The following IRS2 variants were observed in gnomAD, a reference collection of about 807,000 sequenced individuals.
IRS2 encodes insulin receptor substrate 2.
In IRS2, 28 loss-of-function variants were observed where a neutral mutation model predicts 70.9. That is an observed-to-expected ratio of 0.39 (90% CI 0.29 to 0.54). IRS2 has a LOEUF of 0.54. IRS2 is among the 20% of genes least tolerant of loss of function. The pLI is 0.59. For synonymous variants in IRS2, 1,217 were observed against 981.9 expected (o/e 1.24, Z -4.48); for missense variants, 2,081 against 2,024.1 (o/e 1.03, Z -0.54).
Position 109,755,489 on chromosome 13 carries a change from T to C in IRS2, c.*815A>G, listed in dbSNP as rs1253993563. ...ACATCGAGAAGATTAAACAAGTCTG[T>C]TAAAGGTAAAAAGAGATATTCATCC... On this transcript the variant is annotated 3_prime_UTR_variant, in exon 2 of 2. Transcript: ENST00000375856. 1 of 214,766 alleles carries C rather than the reference T, an allele frequency of 4.7e-6. No homozygotes were observed. Among genetic ancestry groups the C allele is most frequent in the Non-Finnish European group, 9.4e-6 (1 of 106,340 alleles). 13.3% of individuals were successfully genotyped at this position (214,766 alleles called of 1,614,324 possible). A position where few individuals can be genotyped will look rare whatever the true frequency, so the allele number is the denominator to read the frequency against.
rs369041453 is a variant in IRS2 at position 109,782,378 on chromosome 13, C to T, written c.3676G>A (p.Gly1226Arg). The change falls in exon 1 of 2, where the codon GGG becomes AGG. Residue 1226 changes from glycine (G) to arginine (R), a missense_variant. Gly to Arg is a moderately radical substitution (Grantham distance 125, BLOSUM62 -2). This residue lies in a region of IRS2 where 1,615 missense variants were observed against 1,459.5 expected (regional missense o/e 1.11). Coordinates refer to ENST00000375856, the MANE Select transcript of IRS2 (RefSeq NM_003749.3). ...CTCCCAGGACAACCGACCAAGCCCC[C>T]GGGCTGACCCGGGGTCCACGGCCGG... ...QGRPWTPGQP[G>R]GLVGCPGSGG... The T allele has an allele frequency of 5.1e-5, 82 of 1,610,424 alleles. No individual in the cohort carries two copies. The highest frequency in any genetic ancestry group is 4.1e-4 in the African/African-American group (31 of 74,874).
intron 1 of IRS2, among the ~76,000 whole-genome samples, chr13:109,779,295 T>C (rs541618495): frequency 6.6e-6 from 1 of 152,258 alleles, no homozygotes; most frequent in Admixed American, 6.5e-5. Flanking sequence ...CAGGAAGAGC[T>C]CAGGGTGGAA....
At chr13:109,770,693 G>A (rs901228174) in intron 1 of IRS2, among the ~76,000 whole-genome samples, 1 of 152,156 alleles carries the variant, frequency 6.6e-6, no homozygotes, top group African/African-American at 2.4e-5. Context: ...CCAGAAAATG[G>A]TGCCCGGTGG....
At position 109,755,316 on chromosome 13, in the gene IRS2, C is replaced by T. The variant is rs917652182; in HGVS notation, c.*988G>A. 2.6e-4 allele frequency: 59 copies of T among 225,958 alleles called. No homozygotes were observed. Among genetic ancestry groups the T allele is most frequent in the African/African-American group, 1.2e-3 (53 of 44,590 alleles). The allele number at this position is 225,958 out of a possible 1,614,324, so 14.0% of individuals were successfully genotyped here. A position where few individuals can be genotyped will look rare whatever the true frequency, so the allele number is the denominator to read the frequency against. ...TACGTTTTTTAAAAATCAAATCTGC[C>T]AAACCCGGACCACCCTGGAATTGCT... On this transcript the variant is annotated 3_prime_UTR_variant, in exon 2 of 2. Transcript: ENST00000375856.
rs2138935530 is a variant in IRS2 at position 109,784,340 on chromosome 13, G to A, written c.1714C>T (p.Arg572Cys). The change falls in exon 1 of 2, where the codon CGC (arginine) becomes TGC (cysteine). Residue 572 changes from arginine to cysteine, a missense_variant. Physicochemically the swap from Arg to Cys is radical, Grantham distance 180. Around this residue, in one of 4 missense-constraint regions of IRS2, gnomAD observed 1,615 missense variants for 1,459.5 expected, o/e 1.11. Coordinates refer to ENST00000375856, the MANE Select transcript of IRS2 (RefSeq NM_003749.3). This position sits in a 1 kb window ranked among gnomAD's most constrained non-coding sequence, Gnocchi z 5.2. ...DAAQDLDRGL[R>C]KRTYSLTTPA... ...GTGGTCAGGGAGTAGGTCCTCTTGC[G>A]CAGCCCTCGGTCCAGGTCCTGGGCC... 3.7e-6 allele frequency: 6 copies of A among 1,608,410 alleles called. No homozygotes were observed. The highest frequency in any genetic ancestry group is 4.2e-6 in the Non-Finnish European group (5 of 1,179,252).
In IRS2 at chr13:109,785,211, C is replaced by T; in HGVS notation, c.843G>A (p.Gln281=). The change falls in exon 1 of 2, where the codon CAG becomes CAA. Residue 281 remains glutamine (Q), a synonymous_variant. Transcript: ENST00000375856. The surrounding 1 kb of genome is among the most constrained non-coding windows in gnomAD (Gnocchi z 9.3). ...CCTCCAGGATGGTCTCGTGGATGTT[C>T]TGCGCCACCACCGAGTCGTCCGCCT... ...WMQADDSVVA[Q]NIHETILEAM... 1 of 1,603,726 alleles carries T rather than the reference C, an allele frequency of 6.2e-7. No individual in the cohort carries two copies. The highest frequency in any genetic ancestry group is 8.5e-7 in the Non-Finnish European group (1 of 1,176,050).
At chr13:109,764,356 T>A (rs1877289866) in intron 1 of IRS2, among the ~76,000 whole-genome samples, 1 of 152,202 alleles carries the variant, frequency 6.6e-6, no homozygotes, top group Non-Finnish European at 1.5e-5. Context: ...TCTACAGCTA[T>A]GTCTCTAAGT....
intron 1 of IRS2, among the ~76,000 whole-genome samples, chr13:109,773,858 G>A (rs796469728): frequency 5.6e-4 from 86 of 152,314 alleles, no homozygotes; most frequent in African/African-American, 1.9e-3. Flanking sequence ...GCTGTATCCT[G>A]GGAGAAAGTT....
At chr13:109,779,809 T>C (rs1362356103) in intron 1 of IRS2, among the ~76,000 whole-genome samples, 1 of 152,202 alleles carries the variant, frequency 6.6e-6, no homozygotes, top group East Asian at 1.9e-4. Context: ...GTTCAGCAGC[T>C]ACAGAACACA....
chr13:109,774,936 A>G (rs919731985), intron 1 of IRS2, among the ~76,000 whole-genome samples: 3 of 152,166 alleles, frequency 2.0e-5, no homozygotes, highest in Admixed American at 2.0e-4. Flanking sequence ...TTCAACTTCA[A>G]TAAGATTCTT....
chr13:109,758,273 G>A (rs1350167366), intron 1 of IRS2, among the ~76,000 whole-genome samples: 1 of 55,662 alleles, frequency 1.8e-5, no homozygotes, highest in Non-Finnish European at 5.4e-5. Context: ...AGAATCCCAT[G>A]GCCACCACAA....
intron 1 of IRS2, among the ~76,000 whole-genome samples, chr13:109,767,080 G>T (rs1219734406): frequency 2.4e-4 from 36 of 152,214 alleles, no homozygotes; most frequent in Admixed American, 2.4e-3. Context: ...TCAGGGACAT[G>T]GAGGGAGGTT....
Position 109,785,184 on chromosome 13 carries a change from G to C in IRS2, c.870C>G (p.Ala290=), listed in dbSNP as rs1393388292. Residue 290 remains alanine (A), a synonymous_variant, in exon 1 of 2, where the codon GCC becomes GCG. Coordinates refer to ENST00000375856, the MANE Select transcript of IRS2 (RefSeq NM_003749.3). The surrounding 1 kb of genome is among the most constrained non-coding windows in gnomAD (Gnocchi z 9.3). ...AQNIHETILE[A]MKALKELFEF... Reference sequence around the variant, plus strand: ...CGAAGAGCTCCTTGAGCGCCTTCATGGCCTCCAGGATGGTCTCGTGGATGT... The same window carrying C: ...CGAAGAGCTCCTTGAGCGCCTTCATCGCCTCCAGGATGGTCTCGTGGATGT... The C allele has an allele frequency of 3.7e-6, 6 of 1,602,528 alleles. No individual in the cohort carries two copies. Among genetic ancestry groups the C allele is most frequent in the Non-Finnish European group, 5.1e-6 (6 of 1,175,390 alleles).
chr13:109,758,147 G>C (rs528606867), intron 1 of IRS2, among the ~76,000 whole-genome samples: 1 of 152,226 alleles, frequency 6.6e-6, no homozygotes, highest in Admixed American at 6.5e-5. Context: ...ACTTCAGTGA[G>C]AATCTAATTG....
At chr13:109,768,798 T>C (rs1321751645) in intron 1 of IRS2, among the ~76,000 whole-genome samples, 1 of 152,058 alleles carries the variant, frequency 6.6e-6, no homozygotes, top group Non-Finnish European at 1.5e-5. Context: ...ACATCCTCTC[T>C]CTACAGACTG....
At chr13:109,759,815 CT>C (rs1305207312) in intron 1 of IRS2, among the ~76,000 whole-genome samples, 1 of 152,114 alleles carries the variant, frequency 6.6e-6, no homozygotes, top group Non-Finnish European at 1.5e-5. Flanking sequence ...GCTGGTGCCC[CT>C]GGTTGAAACC....
rs767951154 is a variant in IRS2, at chr13:109,783,488, C to T, written c.2566G>A (p.Ala856Thr). The T allele has an allele frequency of 1.9e-5, 30 of 1,544,140 alleles. No homozygotes were observed. Among genetic ancestry groups the T allele is most frequent in the South Asian group, 1.1e-4 (9 of 83,910 alleles). ...GGGTGAGGGGGCTGCGTGGGGCCGGCCCCGAAGGCGCTGGCCGCCTGGCTG... is the reference window on the plus strand; with the variant it reads ...GGGTGAGGGGGCTGCGTGGGGCCGGTCCCGAAGGCGCTGGCCGCCTGGCTG... The part of the protein sequence containing the change: ...GPSQAASAFG[A>T]GPTQPPHPVV... Residue 856 changes from alanine (A) to threonine (T), a missense_variant, in exon 1 of 2, where the codon GCC becomes ACC. Transcript: ENST00000375856.
intron 1 of IRS2, among the ~76,000 whole-genome samples, chr13:109,774,258 C>T (rs1016706118): frequency 6.6e-6 from 1 of 152,084 alleles, no homozygotes; most frequent in East Asian, 1.9e-4. Context: ...ATCTAGAGGT[C>T]CAGGAAGCAT....
chr13:109,767,814 C>A (rs941602768), intron 1 of IRS2, among the ~76,000 whole-genome samples: 21 of 149,610 alleles, frequency 1.4e-4, no homozygotes, highest in Non-Finnish European at 3.0e-4. Flanking sequence ...CTCGCTGCAA[C>A]CTCCGCTTCA....
Sources: gnomAD v4.1 joint callset for allele counts (sites outside exome capture counted in the v4.1 genomes callset) on GRCh38, gnomAD v4.1.1 for gene constraint, gnomAD v4.1.1 regional missense constraint, Gnocchi (gnomAD v3.1) non-coding constraint, MANE v1.5 for transcripts, NCBI Gene and HGNC (gene_info 2026-07-23, HGNC 2026-07-21) for gene names.